Variants in AKR1C3 observed in about 807,000 individuals in gnomAD.
AKR1C3 encodes the protein aldo-keto reductase family 1 member C3.
Under a neutral mutation model 43.6 loss-of-function variants are expected in AKR1C3, and 48 were observed. That is an observed-to-expected ratio of 1.10 (90% CI 0.87 to 1.40). The LOEUF (loss-of-function observed/expected upper bound fraction) is 1.40, where lower values mean the gene tolerates loss of function less well. Among genes scored for constraint, AKR1C3 ranks in the 40% most tolerant of loss-of-function variants. The pLI, the probability that AKR1C3 is intolerant of heterozygous loss-of-function variation, is 0.00. For missense variants in AKR1C3, 482 were observed against 391.2 expected (o/e 1.23, Z -1.96); for synonymous variants, 162 against 139.6 (o/e 1.16, Z -1.13).
At chr10:5,104,530 CTTTAT>C (rs143247789) in intron 7 of AKR1C3, among the ~76,000 whole-genome samples, 40,904 of 150,920 alleles carry the variant, frequency 0.27, 6,442 homozygotes, top group Non-Finnish European at 0.36. Context: ...TTTTCTAACT[CTTTAT>C]TTTATTTGAT....
chr10:5,096,386 T>C, intron 1 of AKR1C3, 24 bp from the exon 2 acceptor site: 1 of 1,609,512 alleles, frequency 6.2e-7, no homozygotes, highest in South Asian at 1.1e-5. Context: ...GATCACCAGA[T>C]ACTACCTTTG....
chr10:5,056,716 G>A (rs1055129103), intron 1 of AKR1C3, among the ~76,000 whole-genome samples: 1 of 152,180 alleles, frequency 6.6e-6, no homozygotes, highest in African/African-American at 2.4e-5. Context: ...GACAACAAAT[G>A]GGTAACTTGT....
intron 1 of AKR1C3, among the ~76,000 whole-genome samples, chr10:5,052,950 A>C (rs1379790036): frequency 6.6e-6 from 1 of 151,960 alleles, no homozygotes; most frequent in Non-Finnish European, 1.5e-5. Context: ...GAGTAGCTAG[A>C]TACAGAGTGC....
chr10:5,063,764 G>GAAAAAA (rs1406943359), intron 1 of AKR1C3, among the ~76,000 whole-genome samples: 8,297 of 33,098 alleles, frequency 0.25, 800 homozygotes, highest in African/African-American at 0.36. Flanking sequence ...CTCTGTCTCA[G>GAAAAAA]CAAAAAAAAA....
At chr10:5,088,745 C>T (rs1394162646) in intron 1 of AKR1C3, among the ~76,000 whole-genome samples, 2 of 151,358 alleles carry the variant, frequency 1.3e-5, no homozygotes, top group Non-Finnish European at 2.9e-5. Context: ...TGGGTCTTGT[C>T]CTTTTATCAA....
intron 1 of AKR1C3, among the ~76,000 whole-genome samples, chr10:5,054,721 T>A (rs1415001425): frequency 6.6e-6 from 1 of 152,184 alleles, no homozygotes; most frequent in African/African-American, 2.4e-5. Context: ...CTCTTTCTCT[T>A]TGACTCTGTT....
chr10:5,086,341 G>T (rs1475311138), intron 1 of AKR1C3, among the ~76,000 whole-genome samples: 6 of 151,432 alleles, frequency 4.0e-5, no homozygotes, highest in Admixed American at 6.6e-5. Context: ...GTACCCAGTA[G>T]TCATTCAGGA....
intron 1 of AKR1C3, among the ~76,000 whole-genome samples, chr10:5,067,750 T>G (rs1838538553): frequency 6.6e-6 from 1 of 152,204 alleles, no homozygotes; most frequent in Non-Finnish European, 1.5e-5. Context: ...TAAACTATGT[T>G]AGTAATTTGT....
rs748958812 is a variant in AKR1C3, at chr10:5,094,482, G to A, written c.38G>A (p.Gly13Asp). The change falls in exon 1 of 9, where the codon GGC (glycine) becomes GAC (aspartate). Residue 13 changes from glycine (G) to aspartate (D), a missense_variant. Transcript: ENST00000380554. Reference protein sequence around the residue: ...SKHQCVKLNDGHFMPVLGFGT... With the variant: ...SKHQCVKLNDDHFMPVLGFGT... ...CACCAGTGTGTAAAGCTAAATGATG[G>A]CCACTTCATGCCTGTATTGGGATTT... 6.2e-7 allele frequency: 1 copy of A among 1,612,718 alleles called. No homozygotes were observed. Among genetic ancestry groups the A allele is most frequent in the Admixed American group, 1.7e-5 (1 of 59,974 alleles).
chr10:5,107,601 T>C lies in AKR1C3; in HGVS notation c.*98T>C. 1.0e-6 allele frequency: 1 copy of C among 952,738 alleles called. No individual in the cohort carries two copies. Among genetic ancestry groups the C allele is most frequent in the Non-Finnish European group, 1.6e-6 (1 of 611,770 alleles). 59.0% of individuals were successfully genotyped at this position (952,738 alleles called of 1,614,324 possible). A position where few individuals can be genotyped will look rare whatever the true frequency, so the allele number is the denominator to read the frequency against. On this transcript the variant is annotated 3_prime_UTR_variant, in exon 9 of 9. Transcript: ENST00000380554. The stretch of plus-strand genomic sequence containing the variant: ...GGTGACTGGACATATCACCTCTACT[T>C]AAATCCGTCCTGTTTAGCGACTTCA...
chr10:5,094,736 G>A (rs782617271), intron 1 of AKR1C3, among the ~76,000 whole-genome samples: 1 of 152,034 alleles, frequency 6.6e-6, no homozygotes, highest in Non-Finnish European at 1.5e-5. Flanking sequence ...TTTCGTTTGT[G>A]CACTGTTTCT....
At position 5,096,522 on chromosome 10, in the gene AKR1C3, G is replaced by C. The variant is rs35961894; in HGVS notation, c.197G>C (p.Arg66Pro). 3.1e-6 allele frequency: 5 copies of C among 1,613,750 alleles called. No homozygotes were observed. The Admixed American group carries it at 5.0e-5, about 16-fold the overall frequency. Residue 66 changes from arginine (R) to proline (P), a missense_variant, in exon 2 of 9, where the codon CGA (arginine) becomes CCA (proline). Transcript: ENST00000380554. Reference protein sequence around the residue: ...NNEEQVGLAIRSKIADGSVKR... With the variant: ...NNEEQVGLAIPSKIADGSVKR... ...GAGGAGCAGGTTGGACTGGCCATCC[G>C]AAGCAAGATTGCAGATGGCAGTGTG...
Position 5,096,414 on chromosome 10 carries a change from CGAG to C in AKR1C3, c.90_92del (p.Arg31del). On this transcript the variant is annotated inframe_deletion, in exon 2 of 9. Coordinates refer to ENST00000380554, the MANE Select transcript of AKR1C3 (RefSeq NM_003739.6). The stretch of plus-strand genomic sequence containing the variant: ...TACCTTTGGTTGCTCCTCCAGGTTC[CGAG>C]AAGTAAAGCTTTGGAGGTCACAAAA... The C allele has an allele frequency of 6.2e-7, 1 of 1,612,542 alleles. No homozygotes were observed. Among genetic ancestry groups the C allele is most frequent in the Non-Finnish European group, 8.5e-7 (1 of 1,179,084 alleles).
chr10:5,048,882 A>G (rs1554778639), exon 1 of AKR1C3: 13 of 1,613,412 alleles, frequency 8.1e-6, no homozygotes, highest in South Asian at 1.1e-5. Context: ...TTTGGCACCT[A>G]TGCACCTCCA....
intron 1 of AKR1C3, among the ~76,000 whole-genome samples, chr10:5,079,631 G>T (rs73599928): frequency 3.0e-4 from 46 of 152,052 alleles, no homozygotes; most frequent in African/African-American, 1.1e-3. Context: ...GGCAGCTTGG[G>T]GAGCCCCTGA....
At chr10:5,079,700 C>A (rs535960122) in intron 1 of AKR1C3, among the ~76,000 whole-genome samples, 1 of 152,060 alleles carries the variant, frequency 6.6e-6, no homozygotes, top group Admixed American at 6.6e-5. Flanking sequence ...TCTCTCTCCC[C>A]CATTACCTGA....
At chr10:5,050,415 C>G (rs1422811689) in intron 1 of AKR1C3, among the ~76,000 whole-genome samples, 1 of 152,196 alleles carries the variant, frequency 6.6e-6, no homozygotes, top group Non-Finnish European at 1.5e-5. Flanking sequence ...AAGGCATTTA[C>G]TATTTCTTCA....
intron 1 of AKR1C3, among the ~76,000 whole-genome samples, chr10:5,087,746 TTTTG>T (rs1236056561): frequency 6.6e-6 from 1 of 152,070 alleles, no homozygotes; most frequent in African/African-American, 2.4e-5. Flanking sequence ...TGACTATCAA[TTTTG>T]TTTATCCTTT....
chr10:5,094,219 A>G (rs1430155463), upstream of AKR1C3: 3 of 348,914 alleles, frequency 8.6e-6, no homozygotes, highest in Non-Finnish European at 1.1e-5. Flanking sequence ...TTATAACCAT[A>G]TATTATAATA....
Sources: allele counts gnomAD v4.1 joint callset (sites outside exome capture counted in the v4.1 genomes callset), GRCh38; gene constraint gnomAD v4.1.1; transcripts MANE v1.5; gene names NCBI Gene and HGNC (gene_info 2026-07-23, HGNC 2026-07-21).